The following TRPM3 variants were observed in gnomAD, a reference collection of about 807,000 sequenced individuals.
The protein encoded by TRPM3 is transient receptor potential cation channel subfamily M member 3.
TRPM3 carries 77 observed loss-of-function variants against 181.2 expected under a neutral mutation model. The ratio of observed to expected loss-of-function variants is 0.42; its 90% CI spans 0.35 to 0.51. The LOEUF (loss-of-function observed/expected upper bound fraction) is 0.51, where lower values mean the gene tolerates loss of function less well. TRPM3 is among the 20% of genes least tolerant of loss of function. TRPM3 has a pLI of 0.01. For synonymous variants in TRPM3, 745 were observed against 796.4 expected, an observed-to-expected ratio of 0.94 and a Z score of 1.09; for missense variants, 1,759 against 2,196.7, an observed-to-expected ratio of 0.80 and a Z score of 3.98.
chr9:70,670,589 G>A (rs560056999), intron 9 of TRPM3, among the ~76,000 whole-genome samples: 1 of 152,232 alleles, frequency 6.6e-6, no homozygotes, highest in South Asian at 2.1e-4. Flanking sequence ...ATTCTCACAT[G>A]TATGCTAGAG....
intron 8 of TRPM3, 130 bp downstream of exon 8, chr9:70,761,462 CTGGAGCCAA>C: frequency 2.6e-6 from 3 of 1,137,502 alleles, no homozygotes; most frequent in Non-Finnish European, 3.9e-6. Flanking sequence ...GAGGAAGCTA[CTGGAGCCAA>C]TGGAGCCTGA....
chr9:70,627,656 G>A (rs2064922898), intron 12 of TRPM3, among the ~76,000 whole-genome samples: 1 of 152,062 alleles, frequency 6.6e-6, no homozygotes, highest in Non-Finnish European at 1.5e-5. Flanking sequence ...CTTGGCTTGG[G>A]GTACATGGTA....
intron 1 of TRPM3, among the ~76,000 whole-genome samples, chr9:70,970,898 C>T (rs554907514): frequency 3.3e-5 from 5 of 152,238 alleles, no homozygotes; most frequent in Non-Finnish European, 7.4e-5. Context: ...GATACAGGTC[C>T]ATGATATGAC....
intron 1 of TRPM3, among the ~76,000 whole-genome samples, chr9:70,958,323 A>C (rs972904831): frequency 7.3e-6 from 1 of 137,744 alleles, no homozygotes; most frequent in African/African-American, 2.7e-5. Context: ...TATAATAATA[A>C]TACTATGCTC....
intron 8 of TRPM3, among the ~76,000 whole-genome samples, chr9:70,752,868 G>T (rs1367105376): frequency 2.0e-5 from 3 of 152,074 alleles, no homozygotes; most frequent in African/African-American, 4.8e-5. Flanking sequence ...TCAGCACTTT[G>T]GCAGGCCGAG....
intron 1 of TRPM3, among the ~76,000 whole-genome samples, chr9:71,418,914 ATATG>A (rs67895644): frequency 0.46 from 63,564 of 138,468 alleles, 15,531 homozygotes; most frequent in East Asian, 0.59. Flanking sequence ...GTGTGTATAT[ATATG>A]TGTGTGTGTG....
intron 1 of TRPM3, among the ~76,000 whole-genome samples, chr9:71,193,786 T>C (rs1216020533): frequency 6.6e-6 from 1 of 151,946 alleles, no homozygotes; most frequent in African/African-American, 2.4e-5. Flanking sequence ...AGAAAGGCAG[T>C]GTGGACTATG....
rs377093052 is a variant in TRPM3, at chr9:70,843,166, G to A, written c.677-39C>T. On this transcript the variant is annotated intron_variant, in intron 4 of 25. Transcript: ENST00000677713. ...AGAAGCATTGATTTTTTCTTTTAAAGCAAATACCTTTTCATCATTCTAAAG... is the reference window on the plus strand; with the variant it reads ...AGAAGCATTGATTTTTTCTTTTAAAACAAATACCTTTTCATCATTCTAAAG... The A allele has an allele frequency of 1.1e-4, 179 of 1,583,614 alleles. 2 individuals are homozygous for A. In the Middle Eastern group the frequency reaches 2.7e-3, roughly 24 times the overall value.
intron 25 of TRPM3, among the ~76,000 whole-genome samples, chr9:70,547,316 T>A (rs1051975105): frequency 2.4e-4 from 36 of 152,160 alleles, no homozygotes; most frequent in African/African-American, 7.9e-4. Flanking sequence ...TGTATATGTC[T>A]CTACCCCTTT....
rs540146660 is a variant in TRPM3, at chr9:71,230,266, A to C, written c.183+216387T>G. 1.2e-4 allele frequency among the ~76,000 whole-genome samples: 18 copies of C among 152,262 alleles called. No individual in the cohort carries two copies. In the South Asian group the frequency reaches 2.5e-3, roughly 21 times the overall value. On this transcript the variant is annotated intron_variant, in intron 1 of 24. Transcript: ENST00000357533. The stretch of plus-strand genomic sequence containing the variant: ...TTAGTTGTGGGAGCTAAAAATTAAA[A>C]CAATTGAACTTGTGCAGATCGAGAG...
chr9:71,228,778 C>T (rs999647952), intron 1 of TRPM3, among the ~76,000 whole-genome samples: 6 of 151,952 alleles, frequency 3.9e-5, no homozygotes, highest in African/African-American at 1.4e-4. Context: ...AAGTTCTCTA[C>T]AGTAAAAACT....
intron 1 of TRPM3, among the ~76,000 whole-genome samples, chr9:71,262,333 C>A (rs898278524): frequency 6.6e-6 from 1 of 152,166 alleles, no homozygotes; most frequent in Non-Finnish European, 1.5e-5. Flanking sequence ...AAACCACCTA[C>A]TCAAGCCTCA....
chr9:70,751,078 GT>G (rs2076060304), intron 8 of TRPM3, among the ~76,000 whole-genome samples: 1 of 151,878 alleles, frequency 6.6e-6, no homozygotes, highest in African/African-American at 2.4e-5. Flanking sequence ...TGTATTCAGG[GT>G]AATTAGCACA....
chr9:70,609,275 G>T (rs1012048007), intron 19 of TRPM3, among the ~76,000 whole-genome samples: 3 of 152,180 alleles, frequency 2.0e-5, no homozygotes, highest in Admixed American at 6.5e-5. Flanking sequence ...GCTGTTTTCT[G>T]CAAGGTTAAA....
intron 22 of TRPM3, among the ~76,000 whole-genome samples, chr9:70,581,418 G>A (rs188102650): frequency 6.4e-4 from 97 of 152,340 alleles, no homozygotes; most frequent in African/African-American, 2.2e-3. Context: ...GAAGCGACTC[G>A]CTCCACTGGA....
intron 18 of TRPM3, among the ~76,000 whole-genome samples, chr9:70,613,809 T>C (rs566022935): frequency 6.6e-6 from 1 of 152,310 alleles, no homozygotes; most frequent in East Asian, 1.9e-4. Flanking sequence ...GCATCTCTTA[T>C]GGTGGCTTCT....
At chr9:71,058,990 C>T (rs886539965) in intron 1 of TRPM3, among the ~76,000 whole-genome samples, 5 of 95,678 alleles carry the variant, frequency 5.2e-5, no homozygotes, top group East Asian at 3.4e-4. Context: ...TCTATAATTT[C>T]TCTGAAGTTT....
chr9:70,659,392 T>A (rs2060803583), intron 9 of TRPM3, among the ~76,000 whole-genome samples: 1 of 152,128 alleles, frequency 6.6e-6, no homozygotes, highest in South Asian at 2.1e-4. Flanking sequence ...TTGACCCAAC[T>A]CATAGGTATT....
At chr9:71,403,170 C>T (rs1489908262) in intron 1 of TRPM3, among the ~76,000 whole-genome samples, 1 of 152,140 alleles carries the variant, frequency 6.6e-6, no homozygotes, top group African/African-American at 2.4e-5. Context: ...TCCAGCTGGA[C>T]ATTTGTTTTT....
Sources: allele counts gnomAD v4.1 joint callset (sites outside exome capture counted in the v4.1 genomes callset), GRCh38; gene constraint gnomAD v4.1.1; transcripts MANE v1.5; gene names NCBI Gene and HGNC (gene_info 2026-07-23, HGNC 2026-07-21).